ERC2: variants seen among roughly 807,000 people sequenced by gnomAD.
ERC2 encodes the protein ERC protein 2.
Under a neutral mutation model 114.8 loss-of-function variants are expected in ERC2, and 42 were observed. The ratio of observed to expected loss-of-function variants is 0.37; its 90% CI spans 0.29 to 0.47. ERC2 has a LOEUF of 0.47. Ranked by LOEUF, ERC2 falls within the 20% of genes least tolerant of loss-of-function variation. The pLI is 0.99. For missense variants in ERC2, 939 were observed against 1,150.7 expected, an observed-to-expected ratio of 0.82 and a Z score of 2.66; for synonymous variants, 454 against 425.5, an observed-to-expected ratio of 1.07 and a Z score of -0.82.
chr3:55,892,809 G>C (rs2063674088), intron 13 of ERC2, among the ~76,000 whole-genome samples: 1 of 152,074 alleles, frequency 6.6e-6, no homozygotes, highest in Non-Finnish European at 1.5e-5. Context: ...TGGAAATACA[G>C]TTTTAATATA....
chr3:55,678,301 A>G (rs2061905206), intron 17 of ERC2, among the ~76,000 whole-genome samples: 1 of 152,176 alleles, frequency 6.6e-6, no homozygotes, highest in South Asian at 2.1e-4. Flanking sequence ...AAAATAATAT[A>G]CTTAGAATTT....
At chr3:55,702,331 G>T (rs1036614915) in intron 15 of ERC2, among the ~76,000 whole-genome samples, 6 of 152,306 alleles carry the variant, frequency 3.9e-5, no homozygotes, top group African/African-American at 1.4e-4. Context: ...CTTTTGATTA[G>T]TCTGGGCTGG....
chr3:55,637,838 A>G (rs1283577433), intron 17 of ERC2, among the ~76,000 whole-genome samples: 2 of 152,118 alleles, frequency 1.3e-5, no homozygotes, highest in African/African-American at 4.8e-5. Flanking sequence ...AGTAGTAGCT[A>G]TCTACATGGG....
At chr3:56,147,423 GAAGT>G (rs2081197894) in intron 5 of ERC2, among the ~76,000 whole-genome samples, 1 of 152,160 alleles carries the variant, frequency 6.6e-6, no homozygotes, top group Admixed American at 6.5e-5. Flanking sequence ...AAAGTTGACA[GAAGT>G]ATGAATAGTT....
intron 13 of ERC2, among the ~76,000 whole-genome samples, chr3:55,947,804 T>G (rs551137253): frequency 6.6e-6 from 1 of 152,152 alleles, no homozygotes; most frequent in African/African-American, 2.4e-5. Flanking sequence ...CACAGCATTA[T>G]TATGGCAATT....
intron 14 of ERC2, among the ~76,000 whole-genome samples, chr3:55,747,722 C>T (rs2066399108): frequency 6.6e-6 from 1 of 152,204 alleles, no homozygotes; most frequent in African/African-American, 2.4e-5. Flanking sequence ...GCATCACAGC[C>T]TTCAAATGAA....
intron 4 of ERC2, among the ~76,000 whole-genome samples, chr3:56,164,686 G>C (rs890622262): frequency 6.6e-6 from 1 of 151,946 alleles, no homozygotes; most frequent in East Asian, 1.9e-4. Flanking sequence ...TTCCAAAGAG[G>C]GCTGTACCAT....
chr3:56,258,576 C>T (rs544311984), intron 3 of ERC2, among the ~76,000 whole-genome samples: 203 of 152,312 alleles, frequency 1.3e-3, no homozygotes, highest in African/African-American at 4.5e-3. Flanking sequence ...ATGGCGTGAA[C>T]CCGGGAGGCG....
At chr3:55,646,613 C>T (rs149605056) in intron 17 of ERC2, among the ~76,000 whole-genome samples, 2 of 152,294 alleles carry the variant, frequency 1.3e-5, no homozygotes, top group Non-Finnish European at 2.9e-5. Flanking sequence ...AGACACTGTG[C>T]TAGGCATTTT....
intron 13 of ERC2, among the ~76,000 whole-genome samples, chr3:55,932,078 A>T: frequency 6.6e-6 from 1 of 152,226 alleles, no homozygotes. Context: ...TCATTGCTGC[A>T]ATAAATATTT....
At chr3:55,526,066 A>G (rs1424942442) in intron 17 of ERC2, among the ~76,000 whole-genome samples, 3 of 152,172 alleles carry the variant, frequency 2.0e-5, no homozygotes, top group African/African-American at 4.8e-5. Context: ...GGACACAGAG[A>G]CACAGAATAC....
At chr3:56,430,011 T>C (rs2061725836) in intron 2 of ERC2, among the ~76,000 whole-genome samples, 2 of 152,192 alleles carry the variant, frequency 1.3e-5, no homozygotes, top group South Asian at 4.1e-4. Context: ...CTGGGTTAGT[T>C]AGCATTATAT....
intron 7 of ERC2, among the ~76,000 whole-genome samples, chr3:56,025,025 A>G (rs1343644486): frequency 6.6e-6 from 1 of 152,196 alleles, no homozygotes; most frequent in East Asian, 1.9e-4. Context: ...ACGTGGCTGG[A>G]ACTGCACACT....
chr3:55,764,763 C>A (rs964546545), intron 14 of ERC2, among the ~76,000 whole-genome samples: 1 of 152,222 alleles, frequency 6.6e-6, no homozygotes, highest in Non-Finnish European at 1.5e-5. Context: ...ATGAGACCAA[C>A]TGACACTCAA....
intron 16 of ERC2, among the ~76,000 whole-genome samples, chr3:55,696,755 G>A (rs1438180710): frequency 6.6e-6 from 1 of 152,100 alleles, no homozygotes; most frequent in African/African-American, 2.4e-5. Flanking sequence ...ATAGGACAAG[G>A]TATCATTCCA....
At chr3:55,936,037 T>G (rs2066423848) in intron 13 of ERC2, among the ~76,000 whole-genome samples, 1 of 152,256 alleles carries the variant, frequency 6.6e-6, no homozygotes, top group Non-Finnish European at 1.5e-5. Flanking sequence ...GAATAATTAA[T>G]AGTAATTATC....
chr3:56,306,961 C>G (rs2056265070), intron 2 of ERC2, among the ~76,000 whole-genome samples: 2 of 152,172 alleles, frequency 1.3e-5, no homozygotes, highest in African/African-American at 4.8e-5. Flanking sequence ...ATATGCTCAG[C>G]ATCACTCCCC....
chr3:55,540,957 C>A (rs1322223048), intron 17 of ERC2, among the ~76,000 whole-genome samples: 1 of 151,928 alleles, frequency 6.6e-6, no homozygotes, highest in Non-Finnish European at 1.5e-5. Context: ...GCTCCCACTC[C>A]CTATGAAGAA....
chr3:56,285,030 C>T (rs867074749), intron 3 of ERC2, among the ~76,000 whole-genome samples: 3 of 108,738 alleles, frequency 2.8e-5, no homozygotes, highest in Admixed American at 9.8e-5. Context: ...CACACACACA[C>T]ATACACACAC....
Sources: gnomAD v4.1 joint callset for allele counts (sites outside exome capture counted in the v4.1 genomes callset) on GRCh38, gnomAD v4.1.1 for gene constraint, MANE v1.5 for transcripts, NCBI Gene and HGNC (gene_info 2026-07-23, HGNC 2026-07-21) for gene names.